ERCC5: variants seen among roughly 807,000 people sequenced by gnomAD.
ERCC5 encodes the protein ERCC excision repair 5, endonuclease.
In ERCC5, 68 loss-of-function variants were observed where a neutral mutation model predicts 105.6. The observed-to-expected ratio is 0.64, with a 90% CI of 0.53 to 0.79. The LOEUF (loss-of-function observed/expected upper bound fraction) is 0.79. Ranked by LOEUF, ERCC5 falls within the 30% of genes least tolerant of loss-of-function variation. The pLI is 0.00. For missense variants in ERCC5, 1,373 were observed against 1,426.7 expected (o/e 0.96, Z 0.61); for synonymous variants, 546 against 526.2 (o/e 1.04, Z -0.51).
chr13:102,871,343 T>C (rs1883026856), intron 12 of ERCC5, among the ~76,000 whole-genome samples: 1 of 151,996 alleles, frequency 6.6e-6, no homozygotes, highest in Admixed American at 6.6e-5. Context: ...GGGAGGAGGG[T>C]CCAAGAGTGT....
At chr13:102,875,039 A>C (rs577935901) in intron 14 of ERCC5, among the ~76,000 whole-genome samples, 3 of 152,350 alleles carry the variant, frequency 2.0e-5, no homozygotes, top group Non-Finnish European at 4.4e-5. Context: ...CGCTCTTTGA[A>C]TATCTTAGGA....
rs1595373335 is a variant in ERCC5, at chr13:102,846,677, T to C, written c.88+323T>C. Among the ~76,000 whole-genome samples the C allele has an allele frequency of 3.3e-5, 5 of 152,234 alleles. No individual in the cohort carries two copies. In the South Asian group the frequency reaches 1.0e-3, roughly 32 times the overall value. On this transcript the variant is annotated intron_variant, in intron 1 of 14. Transcript: ENST00000652225. ...AGCTTACTTGTAATGCCGAATGCAA[T>C]GTAAGTGATCTGTAAATAGTTGTTA...
At position 102,865,713 on chromosome 13, in the gene ERCC5, A is replaced by G. The variant is rs776589699; in HGVS notation, c.2001A>G (p.Gln667=). The change falls in exon 9 of 15, where the codon CAA becomes CAG. Residue 667 remains glutamine (Q), a synonymous_variant. Transcript: ENST00000652225. This position sits in a 1 kb window ranked among gnomAD's most constrained non-coding sequence, Gnocchi z 4.0. The part of the protein sequence containing the change: ...VQSVISDEEL[Q]AEFPETSKPP... Reference sequence around the variant, plus strand: ...GTGTGATTAGTGATGAGGAACTTCAAGCAGAATTCCCTGAAACTTCCAAAC... The same window carrying G: ...GTGTGATTAGTGATGAGGAACTTCAGGCAGAATTCCCTGAAACTTCCAAAC... 1 of 1,613,922 alleles carries G rather than the reference A, an allele frequency of 6.2e-7. No individual in the cohort carries two copies. The highest frequency in any genetic ancestry group is 1.3e-5 in the African/African-American group (1 of 75,042).
chr13:102,856,972 T>G (rs1423854859), intron 5 of ERCC5, among the ~76,000 whole-genome samples: 1 of 152,240 alleles, frequency 6.6e-6, no homozygotes, highest in Non-Finnish European at 1.5e-5. Flanking sequence ...AGCTAGTTAC[T>G]GCCCTATGGA....
chr13:102,846,690 T>C (rs1881979418), intron 1 of ERCC5, among the ~76,000 whole-genome samples: 1 of 152,274 alleles, frequency 6.6e-6, no homozygotes, highest in African/African-American at 2.4e-5. Flanking sequence ...AAGTGATCTG[T>C]AAATAGTTGT....
chr13:102,866,820 A>T lies in ERCC5; in HGVS notation c.2508A>T (p.Gln836His), dbSNP rs1882859278. The T allele has an allele frequency of 1.9e-6, 3 of 1,612,426 alleles. No homozygotes were observed. The highest frequency in any genetic ancestry group is 2.2e-5 in the South Asian group (2 of 90,882). Residue 836 changes from glutamine to histidine, a missense_variant, in exon 11 of 15, where the codon CAA becomes CAT. Physicochemically the swap from Gln to His is conservative, Grantham distance 24. This residue lies in a region of ERCC5 where 1,004 missense variants were observed against 1,059.7 expected (regional missense o/e 0.95). Coordinates refer to ENST00000652225, the MANE Select transcript of ERCC5 (RefSeq NM_000123.4). The stretch of plus-strand genomic sequence containing the variant: ...AAAACAAGTTTGTAGAATATTATCA[A>T]TATGTGGACTTTCACAATCAATTGG... The part of the protein sequence containing the change: ...FNKNKFVEYY[Q>H]YVDFHNQLGL...
Position 102,868,181 on chromosome 13 carries a change from A to G in ERCC5, c.2602A>G (p.Thr868Ala). 1 of 1,614,202 alleles carries G rather than the reference A, an allele frequency of 6.2e-7. No individual in the cohort carries two copies. Among genetic ancestry groups the G allele is most frequent in the South Asian group, 1.1e-5 (1 of 91,082 alleles). ...AAGTGATTATACCGAAGGAATACCA[A>G]CTGTGGGTTGTGTAACCGCCATGGA... ...LGSDYTEGIP[T>A]VGCVTAMEIL... Residue 868 changes from threonine to alanine, a missense_variant, in exon 12 of 15, where the codon ACT (threonine) becomes GCT (alanine). Coordinates refer to ENST00000652225, the MANE Select transcript of ERCC5 (RefSeq NM_000123.4).
chr13:102,860,599 A>G (rs989396170), intron 6 of ERCC5, among the ~76,000 whole-genome samples: 2 of 152,126 alleles, frequency 1.3e-5, no homozygotes, highest in African/African-American at 4.8e-5. Flanking sequence ...CATGCTTTTG[A>G]TCCCAGATCT....
chr13:102,874,601 A>C (rs1595391483), intron 14 of ERCC5: 1 of 152,180 alleles, frequency 6.6e-6, no homozygotes, highest in East Asian at 1.9e-4. Flanking sequence ...GGCTCACTGC[A>C]AGCTCCGCCT....
chr13:102,852,329 A>C (rs1882237910), intron 2 of ERCC5, 36 bp downstream of exon 2: 2 of 1,606,070 alleles, frequency 1.2e-6, no homozygotes, highest in Non-Finnish European at 1.7e-6. Context: ...GTGTCAAATA[A>C]TTTTTTTCTT....
Position 102,875,684 on chromosome 13 carries a change from A to G in ERCC5, c.3342A>G (p.Gln1114=), listed in dbSNP as rs772222974. The change falls in exon 15 of 15, where the codon CAA becomes CAG. Residue 1114 remains glutamine (Q), a synonymous_variant. Coordinates refer to ENST00000652225, the MANE Select transcript of ERCC5 (RefSeq NM_000123.4). The stretch of plus-strand genomic sequence containing the variant: ...AAAGTTCATCTTTAATGAATGTACA[A>G]AGGAGAACAGCTGCGAAAGAGCCAA... ...DAESSSLMNV[Q]RRTAAKEPKT... 1 of 1,614,168 alleles carries G rather than the reference A, an allele frequency of 6.2e-7. No individual in the cohort carries two copies. Among genetic ancestry groups the G allele is most frequent in the South Asian group, 1.1e-5 (1 of 91,084 alleles).
rs141986956 is a variant in ERCC5, at chr13:102,866,197, C to G, written c.2200-65C>G. The G allele has an allele frequency of 2.6e-5, 41 of 1,602,406 alleles. No homozygotes were observed. In the East Asian group the frequency reaches 9.1e-4, roughly 36 times the overall value. ...TAATTTCAGTCAGACTAAATGCAGG[C>G]TTTTTGTAAACAAAACTCATTTGGA... On this transcript the variant is annotated intron_variant, in intron 9 of 14. Transcript: ENST00000652225.
At chr13:102,852,011 A>G (rs1357748534) in intron 1 of ERCC5, 107 bp from the exon 2 acceptor site, 13 of 1,257,278 alleles carry the variant, frequency 1.0e-5, no homozygotes, top group African/African-American at 3.0e-5. Flanking sequence ...ATGAATAGTG[A>G]TAAGTATTTA....
At position 102,846,306 on chromosome 13, in the gene ERCC5, G is replaced by C; in HGVS notation, c.40G>C (p.Gly14Arg). Residue 14 changes from glycine (G) to arginine (R), a missense_variant, in exon 1 of 15, where the codon GGG becomes CGG. Transcript: ENST00000652225. ...QGLWKLLECS[G>R]RQVSPEALEG... ...GCTCTGGAAGCTGCTGGAGTGCTCC[G>C]GGCGGCAGGTCAGCCCCGAAGCGCT... 1 of 1,614,028 alleles carries C rather than the reference G, an allele frequency of 6.2e-7. No homozygotes were observed. Among genetic ancestry groups the C allele is most frequent in the East Asian group, 2.2e-5 (1 of 44,868 alleles).
Position 102,847,297 on chromosome 13 carries a change from A to ATTTT in ERCC5, c.88+956_88+959dup, listed in dbSNP as rs35223521. Among the ~76,000 whole-genome samples the ATTTT allele has an allele frequency of 7.9e-5, 11 of 139,494 alleles. 1 individual carries two copies. The highest frequency in any genetic ancestry group is 6.2e-4 in the East Asian group (3 of 4,870). 91.5% of individuals were successfully genotyped at this position (139,494 alleles called of 152,430 possible). The stretch of plus-strand genomic sequence containing the variant: ...TTATCTTTTTCTTTGTTATGTAGTC[A>ATTTT]TTTTTTTTTTTTTTTTGAGTATCTA... On this transcript the variant is annotated intron_variant, in intron 1 of 14. Transcript: ENST00000652225.
chr13:102,868,690 G>C (rs1056421405), intron 12 of ERCC5, among the ~76,000 whole-genome samples: 1 of 152,240 alleles, frequency 6.6e-6, no homozygotes, highest in African/African-American at 2.4e-5. Context: ...TGTCCTGAGA[G>C]AGGTCAGCCA....
In ERCC5 at chr13:102,875,354, A is replaced by G. The variant is rs1883178632; in HGVS notation, c.3012A>G (p.Lys1004=). 1 of 1,613,878 alleles carries G rather than the reference A, an allele frequency of 6.2e-7. No homozygotes were observed. Among genetic ancestry groups the G allele is most frequent in the African/African-American group, 1.3e-5 (1 of 74,878 alleles). ...TCTTTAGATTAGCACAACAGGAGAAAGAAGATGCTAAACGTATTAAGAGCC... is the reference window on the plus strand; with the variant it reads ...TCTTTAGATTAGCACAACAGGAGAAGGAAGATGCTAAACGTATTAAGAGCC... The part of the protein sequence containing the change: ...DSFFRLAQQE[K]EDAKRIKSQR... Residue 1004 remains lysine (K), a synonymous_variant, in exon 15 of 15, where the codon AAA becomes AAG. Transcript: ENST00000652225.
chr13:102,846,434 T>C, intron 1 of ERCC5, 80 bp downstream of exon 1: 2 of 1,245,636 alleles, frequency 1.6e-6, no homozygotes, highest in Admixed American at 1.8e-5. Flanking sequence ...TTGGGCACAG[T>C]GGCATCTGCA....
intron 2 of ERCC5, among the ~76,000 whole-genome samples, 179 bp downstream of exon 2, chr13:102,852,472 T>G (rs1882244145): frequency 6.6e-6 from 1 of 152,248 alleles, no homozygotes; most frequent in Non-Finnish European, 1.5e-5. Flanking sequence ...TTAAAAAGTT[T>G]TATGAGAGTT....
Sources: gnomAD v4.1 joint callset for allele counts (sites outside exome capture counted in the v4.1 genomes callset) on GRCh38, gnomAD v4.1.1 for gene constraint, gnomAD v4.1.1 regional missense constraint, Gnocchi (gnomAD v3.1) non-coding constraint, MANE v1.5 for transcripts, NCBI Gene and HGNC (gene_info 2026-07-23, HGNC 2026-07-21) for gene names.